PRH1: variants seen among roughly 807,000 people sequenced by gnomAD.
PRH1 encodes proline rich protein HaeIII subfamily 1.
Under a neutral mutation model 7.9 loss-of-function variants are expected in PRH1, and 7 were observed. The ratio of observed to expected loss-of-function variants is 0.89; its 90% CI spans 0.50 to 1.67. The LOEUF (loss-of-function observed/expected upper bound fraction) is 1.67, where lower values mean the gene tolerates loss of function less well. PRH1 is among the 40% of genes most tolerant of loss of function. The probability of loss-of-function intolerance (pLI) is 0.00; values close to 1 mark genes in which losing one functional copy is unlikely to be tolerated. For missense variants in PRH1, 109 were observed against 223.6 expected (o/e 0.49, Z 3.27); for synonymous variants, 45 against 80.8 (o/e 0.56, Z 2.38).
At chr12:11,020,971 GATC>G (rs1565558055) in intron 1 of PRH1, among the ~76,000 whole-genome samples, 1 of 152,122 alleles carries the variant, frequency 6.6e-6, no homozygotes, top group Non-Finnish European at 1.5e-5. Context: ...GCACTGAAAT[GATC>G]ATCAGCATGT....
intron 1 of PRH1, among the ~76,000 whole-genome samples, chr12:10,990,775 G>C (rs781736503): frequency 6.6e-6 from 1 of 152,222 alleles, no homozygotes; most frequent in Admixed American, 6.5e-5. Context: ...GATGACAAGG[G>C]ATTGGATTCT....
At chr12:11,093,007 A>G (rs1944977181) in intron 1 of PRH1, among the ~76,000 whole-genome samples, 1 of 115,832 alleles carries the variant, frequency 8.6e-6, no homozygotes, top group African/African-American at 2.9e-5. Flanking sequence ...AATTATTCAC[A>G]CTGAAATTGA....
intron 1 of PRH1, among the ~76,000 whole-genome samples, chr12:11,135,244 T>TG (rs1946512827): frequency 6.6e-6 from 1 of 152,166 alleles, no homozygotes; most frequent in African/African-American, 2.4e-5. Flanking sequence ...CCCCTGAACT[T>TG]GAAGTTCAAT....
downstream of PRH1, among the ~76,000 whole-genome samples, chr12:11,116,432 C>CAAACAAA (rs375628997): frequency 4.9e-3 from 744 of 151,882 alleles, 7 homozygotes; most frequent in Non-Finnish European, 7.5e-3. Context: ...CAAAACAAAA[C>CAAACAAA]AAACAAAAAA....
intron 1 of PRH1, among the ~76,000 whole-genome samples, chr12:11,156,679 G>A (rs181094820): frequency 2.6e-4 from 40 of 151,806 alleles, no homozygotes; most frequent in Non-Finnish European, 4.6e-4. Flanking sequence ...TTATTTTGGT[G>A]GTAGAAAGAA....
At chr12:11,126,656 C>G (rs1416841595) in intron 1 of PRH1, among the ~76,000 whole-genome samples, 1 of 139,736 alleles carries the variant, frequency 7.2e-6, no homozygotes, top group Non-Finnish European at 1.6e-5. Flanking sequence ...TCAGATAATG[C>G]CATACTCAAA....
intron 1 of PRH1, among the ~76,000 whole-genome samples, chr12:11,124,285 G>C (rs569532136): frequency 1.3e-4 from 20 of 152,406 alleles, no homozygotes; most frequent in African/African-American, 3.6e-4. Context: ...TGCTTATGTT[G>C]TAGAAATGGG....
chr12:11,156,300 A>G (rs1206809398), intron 1 of PRH1, among the ~76,000 whole-genome samples: 2 of 152,000 alleles, frequency 1.3e-5, no homozygotes, highest in East Asian at 1.9e-4. Flanking sequence ...CAAATTTTCT[A>G]TTGGTCTTTG....
intron 2 of PRH1, among the ~76,000 whole-genome samples, chr12:10,940,392 T>C (rs1210380759): frequency 6.6e-6 from 1 of 152,232 alleles, no homozygotes; most frequent in Admixed American, 6.5e-5. Flanking sequence ...TATTAAATAG[T>C]AATACATGTA....
At chr12:10,935,113 T>C (rs756755676) in intron 2 of PRH1, among the ~76,000 whole-genome samples, 1 of 152,168 alleles carries the variant, frequency 6.6e-6, no homozygotes, top group Non-Finnish European at 1.5e-5. Flanking sequence ...AACTCCTGAA[T>C]GCTGAGTGCT....
At chr12:10,929,348 T>A in intron 2 of PRH1, 1 of 1,613,996 alleles carries the variant, frequency 6.2e-7, no homozygotes, top group Non-Finnish European at 8.5e-7. Flanking sequence ...GTAAGCCGAA[T>A]TGGGGGAAGA....
chr12:10,917,722 C>A (rs1425225550), intron 2 of PRH1, among the ~76,000 whole-genome samples: 4 of 152,292 alleles, frequency 2.6e-5, no homozygotes, highest in African/African-American at 9.6e-5. Flanking sequence ...TGAAGAATGG[C>A]ATTGGCAGGA....
chr12:11,035,839 C>T (rs1942412655), intron 1 of PRH1, among the ~76,000 whole-genome samples: 1 of 152,132 alleles, frequency 6.6e-6, no homozygotes, highest in African/African-American at 2.4e-5. Flanking sequence ...AATAGAGCAT[C>T]TCAACCACAG....
chr12:11,037,999 G>A (rs1003733448), intron 1 of PRH1, among the ~76,000 whole-genome samples: 16 of 152,188 alleles, frequency 1.1e-4, no homozygotes, highest in African/African-American at 3.4e-4. Flanking sequence ...CCAAGATTGC[G>A]CTTGTGCACT....
chr12:10,974,301 C>T (rs1464879047), intron 1 of PRH1, among the ~76,000 whole-genome samples: 1 of 152,202 alleles, frequency 6.6e-6, no homozygotes, highest in Non-Finnish European at 1.5e-5. Flanking sequence ...CTCTGCCACA[C>T]TACTGATGCT....
At chr12:11,032,457 T>G (rs1178311042) in intron 1 of PRH1, among the ~76,000 whole-genome samples, 1 of 152,184 alleles carries the variant, frequency 6.6e-6, no homozygotes, top group Non-Finnish European at 1.5e-5. Flanking sequence ...TGCTAACACT[T>G]TCGTATAACT....
In PRH1 at chr12:10,996,328, C is replaced by CA. The variant is rs1276896243; in HGVS notation, c.-125-22608dup. 1.9e-4 allele frequency among the ~76,000 whole-genome samples: 27 copies of CA among 145,434 alleles called. No individual in the cohort carries two copies. The East Asian group carries it at 4.8e-3, about 26-fold the overall frequency. ...TGGACAACAGGGCAAGACTCCATCTCAAAAAAAAGAAAAAAAGAATTCATG... is the reference window on the plus strand; with the variant it reads ...TGGACAACAGGGCAAGACTCCATCTCAAAAAAAAAGAAAAAAAGAATTCATG... On this transcript the variant is annotated intron_variant, in intron 1 of 3. Transcript: ENST00000539853.
chr12:11,168,299 A>AGAAAGAAAGAAAGAAAGAAAGAAG (rs1947679780), intron 1 of PRH1, among the ~76,000 whole-genome samples: 1 of 5,862 alleles, frequency 1.7e-4, no homozygotes, highest in African/African-American at 5.1e-4. Flanking sequence ...AAAGAAAGAA[A>AGAAAGAAAGAAAGAAAGAAAGAAG]GAAGGAAGGA....
At chr12:11,104,305 C>T (rs1448902622) in intron 1 of PRH1, among the ~76,000 whole-genome samples, 2 of 151,704 alleles carry the variant, frequency 1.3e-5, no homozygotes, top group East Asian at 1.9e-4. Flanking sequence ...ATGATGATCA[C>T]TCATATGATG....
Sources: allele counts gnomAD v4.1 joint callset (sites outside exome capture counted in the v4.1 genomes callset), GRCh38; gene constraint gnomAD v4.1.1; transcripts MANE v1.5; gene names NCBI Gene and HGNC (gene_info 2026-07-23, HGNC 2026-07-21).